NHS: variants seen among roughly 807,000 people sequenced by gnomAD.
NHS encodes the protein actin remodeling regulator NHS.
Under a neutral mutation model 72.5 loss-of-function variants are expected in NHS, and 5 were observed. The ratio of observed to expected loss-of-function variants is 0.07; its 90% CI spans 0.04 to 0.14. NHS has a LOEUF of 0.14. NHS is among the 10% of genes least tolerant of loss of function. The pLI is 1.00. For synonymous variants in NHS, 464 were observed against 547.7 expected (o/e 0.85, Z 2.13); for missense variants, 1,072 against 1,355.7 (o/e 0.79, Z 3.29).
At chrX:17,462,981 C>G (rs747626698) in intron 1 of NHS, among the ~76,000 whole-genome samples, 21 of 111,376 alleles carry the variant, frequency 1.9e-4, no homozygotes, top group South Asian at 3.7e-4. Flanking sequence ...ATTTCTTGTC[C>G]ATTGTGTATG....
chrX:17,594,576 A>G (rs921396000), intron 1 of NHS, among the ~76,000 whole-genome samples: 2 of 112,387 alleles, frequency 1.8e-5, no homozygotes, highest in African/African-American at 3.2e-5. Context: ...CTGTCCAGGC[A>G]ATCTCTGTCA....
intron 1 of NHS, among the ~76,000 whole-genome samples, chrX:17,634,696 ATGT>A (rs1193641528): frequency 1.3e-5 from 1 of 79,203 alleles, no homozygotes; most frequent in African/African-American, 5.2e-5. Flanking sequence ...AGAGTCTAAC[ATGT>A]TGATACAGGT....
intron 1 of NHS, among the ~76,000 whole-genome samples, chrX:17,402,521 T>C (rs1010628164): frequency 2.7e-5 from 3 of 112,004 alleles, no homozygotes; most frequent in Non-Finnish European, 5.6e-5. Flanking sequence ...TGCTACAACA[T>C]GGATGACCTT....
intron 1 of NHS, among the ~76,000 whole-genome samples, chrX:17,430,903 C>A (rs887798517): frequency 7.1e-5 from 8 of 111,910 alleles, no homozygotes; most frequent in Non-Finnish European, 1.1e-4. Context: ...CTGTTCCCAC[C>A]TTTTTGCTAT....
At chrX:17,538,605 G>T (rs994881521) in intron 1 of NHS, among the ~76,000 whole-genome samples, 1 of 111,614 alleles carries the variant, frequency 9.0e-6, no homozygotes, top group Non-Finnish European at 1.9e-5. Flanking sequence ...CCAGTGACCA[G>T]AGAAAGCCCT....
At chrX:17,444,463 G>A (rs1183032024) in intron 1 of NHS, among the ~76,000 whole-genome samples, 1 of 112,065 alleles carries the variant, frequency 8.9e-6, no homozygotes, top group Non-Finnish European at 1.9e-5. Context: ...TAACTGGAGG[G>A]TTTATTAAAA....
At chrX:17,479,107 A>G (rs1366491129) in intron 1 of NHS, among the ~76,000 whole-genome samples, 1 of 110,739 alleles carries the variant, frequency 9.0e-6, no homozygotes, top group African/African-American at 3.3e-5. Context: ...CCCTGTATCC[A>G]TGTATTCTCA....
intron 1 of NHS, among the ~76,000 whole-genome samples, chrX:17,615,159 T>C (rs1198387921): frequency 4.4e-5 from 2 of 45,197 alleles, no homozygotes; most frequent in Admixed American, 3.7e-4. Context: ...CGTGTATATA[T>C]ACTATATATA....
At chrX:17,615,239 T>TACAC (rs1491382598) in intron 1 of NHS, among the ~76,000 whole-genome samples, 3 of 90,341 alleles carry the variant, frequency 3.3e-5, no homozygotes, top group Admixed American at 2.3e-4. Context: ...TATATATACG[T>TACAC]ATATATATAC....
At chrX:17,571,963 T>C (rs2065481392) in intron 1 of NHS, among the ~76,000 whole-genome samples, 1 of 112,260 alleles carries the variant, frequency 8.9e-6, no homozygotes, top group Non-Finnish European at 1.9e-5. Context: ...AGTTTCCATG[T>C]AGTTGTGTAG....
intron 1 of NHS, among the ~76,000 whole-genome samples, chrX:17,453,465 T>C (rs764721871): frequency 5.4e-5 from 6 of 112,074 alleles, no homozygotes; most frequent in African/African-American, 1.9e-4. Context: ...CTGTATCATG[T>C]TGTGGTTCCT....
chrX:17,586,865 T>C (rs1436645411), intron 1 of NHS: 2 of 112,222 alleles, frequency 1.8e-5, no homozygotes, highest in African/African-American at 6.5e-5. Context: ...CTTGTTATTA[T>C]TTTTTGAACC....
Position 17,728,742 on chromosome X carries a change from G to A in NHS, c.4316G>A (p.Arg1439Gln). 3 of 1,211,226 alleles carry A rather than the reference G, an allele frequency of 2.5e-6. No homozygotes were observed. Among genetic ancestry groups the A allele is most frequent in the Non-Finnish European group, 3.4e-6 (3 of 895,302 alleles). The change falls in exon 8 of 9, where the codon CGA (arginine) becomes CAA (glutamine). Residue 1439 changes from arginine (R) to glutamine (Q), a missense_variant. Coordinates refer to ENST00000676302, the MANE Select transcript of NHS (RefSeq NM_001291867.2). Reference protein sequence around the residue: ...EGVFVSPNKPRTTEDLFAVIH... With the variant: ...EGVFVSPNKPQTTEDLFAVIH... Reference sequence around the variant, plus strand: ...GTGTTCGTGTCTCCAAACAAACCTCGAACAACTGAGGATTTATTTGCAGTC... The same window carrying A: ...GTGTTCGTGTCTCCAAACAAACCTCAAACAACTGAGGATTTATTTGCAGTC...
chrX:17,426,415 G>T (rs1013298075), intron 1 of NHS, among the ~76,000 whole-genome samples: 1 of 111,625 alleles, frequency 9.0e-6, no homozygotes, highest in Non-Finnish European at 1.9e-5. Flanking sequence ...AACTCGACCT[G>T]AGAGAGAGCT....
chrX:17,555,710 TACC>T (rs2065367016), intron 1 of NHS, among the ~76,000 whole-genome samples: 1 of 111,897 alleles, frequency 8.9e-6, no homozygotes, highest in Admixed American at 9.5e-5. Context: ...GAAGTTAAGA[TACC>T]ATCTTGGAGT....
intron 3 of NHS, among the ~76,000 whole-genome samples, chrX:17,714,878 T>C (rs1393840354): frequency 1.8e-5 from 2 of 112,438 alleles, no homozygotes; most frequent in Non-Finnish European, 3.8e-5. Context: ...GCAGTTGTAT[T>C]TCTTAGATAA....
chrX:17,636,709 T>G (rs183050366), intron 1 of NHS, among the ~76,000 whole-genome samples: 128 of 112,187 alleles, frequency 1.1e-3, no homozygotes, highest in African/African-American at 4.1e-3. Context: ...CTGAGAACAC[T>G]CTCTCTGAGC....
At chrX:17,586,430 A>G (rs1183571784) in intron 1 of NHS, 1 of 112,492 alleles carries the variant, frequency 8.9e-6, no homozygotes, top group Non-Finnish European at 1.9e-5. Context: ...ATACAATTAT[A>G]GTCACCACAG....
At chrX:17,651,682 T>C (rs2147084888) in intron 1 of NHS, among the ~76,000 whole-genome samples, 1 of 112,175 alleles carries the variant, frequency 8.9e-6, no homozygotes, top group East Asian at 2.8e-4. Flanking sequence ...CCACATTCCA[T>C]TGGCCAGGAC....
Sources: gnomAD v4.1 joint callset for allele counts (sites outside exome capture counted in the v4.1 genomes callset) on GRCh38, gnomAD v4.1.1 for gene constraint, MANE v1.5 for transcripts, NCBI Gene and HGNC (gene_info 2026-07-23, HGNC 2026-07-21) for gene names.